Variants in SGK3 observed in about 807,000 individuals in gnomAD.
SGK3 encodes serum/glucocorticoid regulated kinase family member 3.
SGK3 carries 47 observed loss-of-function variants against 68.5 expected under a neutral mutation model. That is an observed-to-expected ratio of 0.69 (90% confidence interval 0.54 to 0.87). The LOEUF (loss-of-function observed/expected upper bound fraction) is 0.87. Ranked by LOEUF, SGK3 falls within the 40% of genes least tolerant of loss-of-function variation. The probability of loss-of-function intolerance (pLI) is 0.00; values close to 1 mark genes in which losing one functional copy is unlikely to be tolerated. For missense variants in SGK3, 479 were observed against 575.5 expected, an observed-to-expected ratio of 0.83 and a Z score of 1.72; for synonymous variants, 181 against 189.1, an observed-to-expected ratio of 0.96 and a Z score of 0.35.
chr8:66,782,047 C>T (rs556880426), intron 1 of SGK3, among the ~76,000 whole-genome samples: 4 of 152,234 alleles, frequency 2.6e-5, no homozygotes, highest in Admixed American at 1.3e-4. Flanking sequence ...ACAAAGATGT[C>T]CTTTGTTTCT....
At chr8:66,739,953 T>A (rs1805432480) in intron 1 of SGK3, among the ~76,000 whole-genome samples, 1 of 152,196 alleles carries the variant, frequency 6.6e-6, no homozygotes, top group Non-Finnish European at 1.5e-5. Flanking sequence ...TTCAATTACC[T>A]ACCACTGGGT....
chr8:66,798,476 T>G, intron 2 of SGK3, 66 bp from the exon 3 acceptor site: 1 of 1,435,026 alleles, frequency 7.0e-7, no homozygotes, highest in Non-Finnish European at 9.5e-7. Flanking sequence ...GTTTCATGTA[T>G]TTAAGTAGCT....
intron 1 of SGK3, among the ~76,000 whole-genome samples, chr8:66,751,029 G>C (rs559476137): frequency 1.2e-3 from 187 of 151,900 alleles, no homozygotes; most frequent in African/African-American, 4.1e-3. Flanking sequence ...GCCAGGCGCG[G>C]TGGCTTACGC....
At position 66,751,206 on chromosome 8, in the gene SGK3, G is replaced by A. The variant is rs1805807181; in HGVS notation, c.-122+38373G>A. Among the ~76,000 whole-genome samples, 3 of 152,130 alleles carry A rather than the reference G, an allele frequency of 2.0e-5. 1 individual carries two copies. The highest frequency in any genetic ancestry group is 1.3e-4 in the Admixed American group (2 of 15,256). Reference sequence around the variant, plus strand: ...AGTCCCAGCTACTCAGGAGGCTGAGGCAGGAGAATGGCGTGAAAAAAAGAA... The same window carrying A: ...AGTCCCAGCTACTCAGGAGGCTGAGACAGGAGAATGGCGTGAAAAAAAGAA... On this transcript the variant is annotated intron_variant, in intron 1 of 16. Coordinates refer to ENST00000521198, the MANE Select transcript of SGK3 (RefSeq NM_001033578.3).
chr8:66,719,661 T>C (rs1804743251), intron 1 of SGK3, among the ~76,000 whole-genome samples: 1 of 152,208 alleles, frequency 6.6e-6, no homozygotes, highest in African/African-American at 2.4e-5. Context: ...CATCTATAGA[T>C]CTATATCGTT....
intron 1 of SGK3, among the ~76,000 whole-genome samples, chr8:66,723,131 A>ATATATAT (rs1554591219): frequency 3.4e-5 from 1 of 29,494 alleles, no homozygotes; most frequent in East Asian, 1.7e-3. Flanking sequence ...ATATATATAT[A>ATATATAT]TTTTTTTTTT....
At chr8:66,748,180 G>A (rs1292972458) in intron 1 of SGK3, among the ~76,000 whole-genome samples, 2 of 152,258 alleles carry the variant, frequency 1.3e-5, no homozygotes, top group African/African-American at 2.4e-5. Context: ...AGGATGTTCT[G>A]CTGAGTCAAA....
At chr8:66,798,668 C>A in intron 3 of SGK3, 43 bp downstream of exon 3, 2 of 1,505,900 alleles carry the variant, frequency 1.3e-6, no homozygotes, top group East Asian at 2.3e-5. Context: ...AGAAAGCACC[C>A]GAGAAAACCC....
intron 6 of SGK3, among the ~76,000 whole-genome samples, chr8:66,826,042 G>A (rs551294661): frequency 2.6e-5 from 4 of 151,534 alleles, no homozygotes; most frequent in South Asian, 4.2e-4. Flanking sequence ...GCTCAATCTC[G>A]GCTCACTGCA....
chr8:66,761,489 GT>G (rs1228829504), intron 1 of SGK3, among the ~76,000 whole-genome samples: 2 of 152,144 alleles, frequency 1.3e-5, no homozygotes, highest in African/African-American at 4.8e-5. Context: ...TATAAAAATA[GT>G]TTGGGCTGGG....
At chr8:66,760,234 A>G (rs572562081) in intron 1 of SGK3, among the ~76,000 whole-genome samples, 10 of 152,186 alleles carry the variant, frequency 6.6e-5, no homozygotes, top group African/African-American at 2.2e-4. Context: ...CCAAAGCTCT[A>G]CATTTGGCTT....
At chr8:66,728,026 CTTT>C (rs1469250688) in intron 1 of SGK3, among the ~76,000 whole-genome samples, 1 of 152,112 alleles carries the variant, frequency 6.6e-6, no homozygotes, top group East Asian at 1.9e-4. Context: ...ATTAAAGTTG[CTTT>C]TTAAACCACA....
chr8:66,751,208 A>G (rs2130431906), intron 1 of SGK3, among the ~76,000 whole-genome samples: 1 of 152,286 alleles, frequency 6.6e-6, no homozygotes, highest in East Asian at 1.9e-4. Context: ...AGGCTGAGGC[A>G]GGAGAATGGC....
intron 1 of SGK3, among the ~76,000 whole-genome samples, chr8:66,725,630 T>G (rs774709999): frequency 1.3e-5 from 2 of 152,036 alleles, no homozygotes; most frequent in Non-Finnish European, 2.9e-5. Context: ...TAAAGTTGTG[T>G]TTTAATTTTT....
In SGK3 at chr8:66,850,978, G is replaced by T; in HGVS notation, c.1320+58G>T. ...TCGTGAAACTTAATAGCAGTTCATT[G>T]TAAGTTTGAAACTAGATCTCAGAAT... On this transcript the variant is annotated intron_variant, in intron 16 of 16. Transcript: ENST00000521198. 3.3e-6 allele frequency: 5 copies of T among 1,507,630 alleles called. No individual in the cohort carries two copies. In the South Asian group the frequency reaches 3.8e-5, roughly 11 times the overall value. 93.4% of individuals were successfully genotyped at this position (1,507,630 alleles called of 1,614,324 possible).
At chr8:66,847,066 G>A in intron 14 of SGK3, 127 bp from the exon 15 acceptor site, 1 of 1,337,414 alleles carries the variant, frequency 7.5e-7, no homozygotes, top group Non-Finnish European at 1.0e-6. Context: ...CACTGCAGGT[G>A]TCTACACGTC....
chr8:66,847,046 C>T (rs1469684497), intron 14 of SGK3, 147 bp from the exon 15 acceptor site: 1 of 1,134,016 alleles, frequency 8.8e-7, no homozygotes, highest in African/African-American at 1.6e-5. Context: ...CTCTTTGCTT[C>T]AGGAAGCCAC....
At chr8:66,797,342 G>A (rs1011192353) in intron 2 of SGK3, among the ~76,000 whole-genome samples, 3 of 152,160 alleles carry the variant, frequency 2.0e-5, no homozygotes, top group African/African-American at 4.8e-5. Flanking sequence ...CTTATTCAGC[G>A]TCGCTGGCAC....
At chr8:66,735,365 G>A (rs1167873926) in intron 1 of SGK3, among the ~76,000 whole-genome samples, 1 of 152,172 alleles carries the variant, frequency 6.6e-6, no homozygotes, top group East Asian at 1.9e-4. Context: ...AATCTATCAG[G>A]CGTATAGCTC....
Sources: gnomAD v4.1 joint callset for allele counts (sites outside exome capture counted in the v4.1 genomes callset) on GRCh38, gnomAD v4.1.1 for gene constraint, MANE v1.5 for transcripts, NCBI Gene and HGNC (gene_info 2026-07-23, HGNC 2026-07-21) for gene names.